The following CUL3 variants were observed in gnomAD, a reference collection of about 807,000 sequenced individuals.
CUL3 encodes cullin-3.
Under a neutral mutation model 89.1 loss-of-function variants are expected in CUL3, and 19 were observed. The ratio of observed to expected loss-of-function variants is 0.21; its 90% CI spans 0.15 to 0.31. The LOEUF is 0.31. Among genes scored for constraint, CUL3 ranks in the 10% least tolerant of loss-of-function variants. The pLI is 1.00. For synonymous variants in CUL3, 351 were observed against 308.4 expected (o/e 1.14, Z -1.45); for missense variants, 469 against 942.3 (o/e 0.50, Z 6.58).
intron 1 of CUL3, among the ~76,000 whole-genome samples, chr2:224,560,094 A>AG (rs909666645): frequency 1.3e-5 from 2 of 152,114 alleles, no homozygotes; most frequent in Non-Finnish European, 1.5e-5. Flanking sequence ...AAAAAGAAGA[A>AG]GAAAAAAAAG....
chr2:224,513,603 A>G lies in CUL3; in HGVS notation c.575T>C (p.Ile192Thr). 1 of 1,602,666 alleles carries G rather than the reference A, an allele frequency of 6.2e-7. No individual in the cohort carries two copies. Among genetic ancestry groups the G allele is most frequent in the Non-Finnish European group, 8.5e-7 (1 of 1,177,218 alleles). Residue 192 changes from isoleucine to threonine, a missense_variant, in exon 5 of 16, where the codon ATT (isoleucine) becomes ACT (threonine). Ile to Thr is a moderately conservative substitution (Grantham distance 89). Transcript: ENST00000264414. ...GACTGATCTTCCTTCGAGACCTAAA[A>G]TCATTAACATCTGGCAAGCATTTCT... is the stretch of plus-strand genomic sequence containing the variant. The part of the protein sequence containing the change: ...AIRNACQMLM[I>T]LGLEGRSVYE...
intron 10 of CUL3, among the ~76,000 whole-genome samples, chr2:224,501,692 A>G (rs1048507629): frequency 6.6e-6 from 1 of 152,202 alleles, no homozygotes; most frequent in African/African-American, 2.4e-5. Context: ...AGAGAGGATC[A>G]TAGAGGAGAC....
In CUL3 at chr2:224,568,600, G is replaced by C. The variant is rs114539503; in HGVS notation, c.67-10744C>G. Among the ~76,000 whole-genome samples the C allele has an allele frequency of 3.1e-3, 472 of 152,264 alleles. 2 individuals carry two copies. The highest frequency in any genetic ancestry group is 0.01 in the African/African-American group (431 of 41,544). On this transcript the variant is annotated intron_variant, in intron 1 of 15. Transcript: ENST00000264414. ...ATCAAATCTTTTTCTAACAGAAGTAGTGTACAAGTAACACACTTTTAAATT... is the reference window on the plus strand; with the variant it reads ...ATCAAATCTTTTTCTAACAGAAGTACTGTACAAGTAACACACTTTTAAATT...
intron 1 of CUL3, chr2:224,569,891 A>G: frequency 1.4e-6 from 1 of 689,786 alleles, no homozygotes; most frequent in Middle Eastern, 5.2e-4. Context: ...GGCAATTCAG[A>G]ATGACACAGC....
At chr2:224,499,484 T>G (rs1298200307) in intron 11 of CUL3, 1 of 238,472 alleles carries the variant, frequency 4.2e-6, no homozygotes, top group Non-Finnish European at 9.4e-6. Context: ...CCCAGTTGTT[T>G]TTTCAGATCT....
intron 2 of CUL3, among the ~76,000 whole-genome samples, chr2:224,540,248 CG>C (rs1553531621): frequency 6.6e-6 from 1 of 151,646 alleles, no homozygotes; most frequent in Non-Finnish European, 1.5e-5. Context: ...GTAGAGACAA[CG>C]GTTTCACCTT....
At chr2:224,556,514 C>T (rs763073298) in intron 2 of CUL3, 2 of 152,122 alleles carry the variant, frequency 1.3e-5, no homozygotes, top group Admixed American at 6.5e-5. Context: ...GACCTATACT[C>T]TTCAAATATG....
intron 3 of CUL3, among the ~76,000 whole-genome samples, chr2:224,525,507 T>G (rs1207436716): frequency 1.3e-5 from 2 of 152,138 alleles, no homozygotes; most frequent in Non-Finnish European, 2.9e-5. Flanking sequence ...ATAAATGATA[T>G]CTGTTGTTAT....
At chr2:224,550,961 C>T (rs1272255474) in intron 2 of CUL3, among the ~76,000 whole-genome samples, 8 of 152,160 alleles carry the variant, frequency 5.3e-5, no homozygotes, top group African/African-American at 1.9e-4. Flanking sequence ...CTGCTTCTCT[C>T]TGCAACCCCA....
At chr2:224,579,663 G>A (rs946078972) in intron 1 of CUL3, among the ~76,000 whole-genome samples, 2 of 152,114 alleles carry the variant, frequency 1.3e-5, no homozygotes, top group East Asian at 3.9e-4. Context: ...TCTAGCATTA[G>A]GGAGTGGGCA....
chr2:224,559,679 G>A (rs1374389058), intron 1 of CUL3, among the ~76,000 whole-genome samples: 3 of 152,070 alleles, frequency 2.0e-5, no homozygotes, highest in Non-Finnish European at 4.4e-5. Context: ...CTACTCTTGA[G>A]AAGGCCACCA....
intron 1 of CUL3, among the ~76,000 whole-genome samples, chr2:224,581,816 G>A (rs1305519107): frequency 1.3e-5 from 2 of 151,896 alleles, no homozygotes; most frequent in Admixed American, 6.6e-5. Context: ...ACCTTGCCCG[G>A]CCGAGTGCTT....
intron 2 of CUL3, among the ~76,000 whole-genome samples, chr2:224,554,861 C>T (rs1694646499): frequency 6.6e-6 from 1 of 152,214 alleles, no homozygotes; most frequent in African/African-American, 2.4e-5. Context: ...AATCTTCTCT[C>T]CTTCAGCAGC....
At chr2:224,507,081 T>C in intron 6 of CUL3, 78 bp from the exon 7 acceptor site, 2 of 1,312,290 alleles carry the variant, frequency 1.5e-6, no homozygotes, top group Non-Finnish European at 2.1e-6. Flanking sequence ...GCTATAATAC[T>C]GAGAGAAGCT....
intron 1 of CUL3, among the ~76,000 whole-genome samples, chr2:224,567,284 C>T (rs1695064877): frequency 2.0e-5 from 3 of 152,314 alleles, no homozygotes; most frequent in Admixed American, 2.0e-4. Context: ...GAGGTGCAAT[C>T]ATAGCTCACT....
At chr2:224,575,402 C>T (rs540197440) in intron 1 of CUL3, among the ~76,000 whole-genome samples, 2 of 152,166 alleles carry the variant, frequency 1.3e-5, no homozygotes, top group African/African-American at 2.4e-5. Context: ...ATAGGTAGAA[C>T]GATCCAAGAT....
intron 3 of CUL3, among the ~76,000 whole-genome samples, chr2:224,523,920 G>C (rs1029571663): frequency 2.6e-5 from 4 of 152,096 alleles, no homozygotes; most frequent in African/African-American, 7.2e-5. Context: ...GGGGAAAATG[G>C]AAAGTTACTG....
intron 1 of CUL3, among the ~76,000 whole-genome samples, chr2:224,570,146 A>T (rs989369188): frequency 4.0e-5 from 6 of 151,094 alleles, no homozygotes; most frequent in African/African-American, 7.3e-5. Context: ...AGATAATATT[A>T]AAAAAAAATG....
chr2:224,506,586 T>C (rs1375319002), intron 7 of CUL3, among the ~76,000 whole-genome samples: 1 of 152,180 alleles, frequency 6.6e-6, no homozygotes, highest in South Asian at 2.1e-4. Flanking sequence ...CACTAAGGCA[T>C]ACCAAAGAAC....
Sources: allele counts gnomAD v4.1 joint callset (sites outside exome capture counted in the v4.1 genomes callset), GRCh38; gene constraint gnomAD v4.1.1; transcripts MANE v1.5; gene names NCBI Gene and HGNC (gene_info 2026-07-23, HGNC 2026-07-21).